ASIC2: variants seen among roughly 807,000 people sequenced by gnomAD.
The protein encoded by ASIC2 is acid-sensing ion channel 2.
A neutral mutation model predicts 57.3 loss-of-function variants in ASIC2; 25 were observed. The ratio of observed to expected loss-of-function variants is 0.44; its 90% CI spans 0.32 to 0.61. The LOEUF is 0.61. Among genes scored for constraint, ASIC2 ranks in the 20% least tolerant of loss-of-function variants. ASIC2 has a pLI of 0.06. For synonymous variants in ASIC2, 319 were observed against 307.5 expected (o/e 1.04, Z -0.39); for missense variants, 641 against 738.1 (o/e 0.87, Z 1.52).
chr17:33,052,264 G>A (rs1480084379), intron 3 of ASIC2: 1 of 152,214 alleles, frequency 6.6e-6, no homozygotes, highest in African/African-American at 2.4e-5. Context: ...ACTGGAATGA[G>A]CCTTCACAAT....
At chr17:33,943,692 TA>T (rs3071252) in intron 1 of ASIC2, among the ~76,000 whole-genome samples, 13,811 of 119,718 alleles carry the variant, frequency 0.12, 727 homozygotes, top group South Asian at 0.18. Context: ...ATGATAATAG[TA>T]AAAAAAAAAA....
intron 1 of ASIC2, among the ~76,000 whole-genome samples, chr17:33,502,376 G>C (rs1046048575): frequency 6.6e-6 from 1 of 152,130 alleles, no homozygotes; most frequent in African/African-American, 2.4e-5. Context: ...TGGGGTTCTG[G>C]GCAGATGTGG....
chr17:33,602,935 C>T (rs918474400), intron 1 of ASIC2, among the ~76,000 whole-genome samples: 31 of 152,216 alleles, frequency 2.0e-4, no homozygotes, highest in African/African-American at 7.0e-4. Flanking sequence ...CTAGAATCCT[C>T]GCAGGGGCTC....
intron 1 of ASIC2, among the ~76,000 whole-genome samples, chr17:34,031,773 T>C (rs890525681): frequency 2.6e-5 from 4 of 152,020 alleles, no homozygotes; most frequent in African/African-American, 9.7e-5. Flanking sequence ...TGATGGAAGA[T>C]GAAATGAATG....
intron 1 of ASIC2, among the ~76,000 whole-genome samples, chr17:33,903,913 G>A (rs1160151819): frequency 2.5e-4 from 38 of 152,116 alleles, no homozygotes; most frequent in Admixed American, 2.4e-3. Context: ...CCTGTAATCC[G>A]AGCACTTTGG....
At chr17:34,111,480 C>G (rs1210907559) in intron 1 of ASIC2, among the ~76,000 whole-genome samples, 1 of 152,002 alleles carries the variant, frequency 6.6e-6, no homozygotes, top group Non-Finnish European at 1.5e-5. Flanking sequence ...AGTATATGCA[C>G]TCTGACATTC....
intron 1 of ASIC2, among the ~76,000 whole-genome samples, chr17:33,379,414 G>A (rs939161851): frequency 1.3e-5 from 2 of 152,208 alleles, no homozygotes; most frequent in African/African-American, 4.8e-5. Context: ...TGAGAAAGCT[G>A]TTTGGTTCTA....
intron 1 of ASIC2, among the ~76,000 whole-genome samples, chr17:34,058,189 T>C (rs1238147477): frequency 6.6e-6 from 1 of 152,232 alleles, no homozygotes; most frequent in Non-Finnish European, 1.5e-5. Context: ...GTCGGTTCTG[T>C]ACATGTCATC....
At chr17:33,714,702 C>T (rs1262162222) in intron 1 of ASIC2, among the ~76,000 whole-genome samples, 2 of 151,680 alleles carry the variant, frequency 1.3e-5, no homozygotes, top group African/African-American at 4.8e-5. Context: ...AGGAGGATTT[C>T]GACTTTGCCT....
intron 1 of ASIC2, among the ~76,000 whole-genome samples, chr17:33,840,000 A>G (rs1420711446): frequency 3.3e-5 from 5 of 152,152 alleles, no homozygotes; most frequent in Non-Finnish European, 7.3e-5. Context: ...TGCATTTATC[A>G]TATCTGGGTT....
At chr17:33,429,451 C>T (rs567918302) in intron 1 of ASIC2, among the ~76,000 whole-genome samples, 7 of 151,876 alleles carry the variant, frequency 4.6e-5, no homozygotes, top group South Asian at 2.1e-4. Context: ...AGTGCAGTGG[C>T]GTGATCTCGG....
At chr17:33,116,009 C>T (rs1487252359) in intron 1 of ASIC2, among the ~76,000 whole-genome samples, 2 of 152,192 alleles carry the variant, frequency 1.3e-5, no homozygotes, top group African/African-American at 4.8e-5. Flanking sequence ...TCTGCTGGAG[C>T]CTTCTCACTT....
chr17:33,593,222 G>C (rs1904877453), intron 1 of ASIC2, among the ~76,000 whole-genome samples: 1 of 152,210 alleles, frequency 6.6e-6, no homozygotes, highest in South Asian at 2.1e-4. Flanking sequence ...TGCAGGCACA[G>C]CTGTGATGTC....
chr17:33,057,912 T>G (rs1340464195), intron 3 of ASIC2, among the ~76,000 whole-genome samples: 3 of 152,258 alleles, frequency 2.0e-5, no homozygotes, highest in East Asian at 1.9e-4. Flanking sequence ...CACAGAGGAC[T>G]GAGGCTGAAC....
chr17:33,702,114 G>T (rs1196076814), intron 1 of ASIC2, among the ~76,000 whole-genome samples: 1 of 152,196 alleles, frequency 6.6e-6, no homozygotes, highest in African/African-American at 2.4e-5. Context: ...CAATGTCCTG[G>T]TTTAGGGATC....
intron 1 of ASIC2, among the ~76,000 whole-genome samples, chr17:33,807,140 C>T (rs371821245): frequency 6.6e-6 from 1 of 152,176 alleles, no homozygotes; most frequent in African/African-American, 2.4e-5. Context: ...CAGTCATCTC[C>T]CCTACAGGAC....
At chr17:33,331,411 G>T (rs1357833296) in intron 1 of ASIC2, among the ~76,000 whole-genome samples, 2 of 152,210 alleles carry the variant, frequency 1.3e-5, no homozygotes, top group Non-Finnish European at 2.9e-5. Context: ...TCTGCAGTCA[G>T]AATTCTTAGT....
chr17:33,139,696 C>T (rs552550352), intron 1 of ASIC2, among the ~76,000 whole-genome samples: 7 of 152,292 alleles, frequency 4.6e-5, no homozygotes, highest in African/African-American at 1.7e-4. Context: ...TCAGACTGGG[C>T]CCCTGGTTTC....
intron 2 of ASIC2, among the ~76,000 whole-genome samples, chr17:33,098,109 G>A (rs2092191391): frequency 6.6e-6 from 1 of 152,146 alleles, no homozygotes; most frequent in Non-Finnish European, 1.5e-5. Flanking sequence ...AATGAAGCAG[G>A]GGCTGATCTC....
Sources: allele counts gnomAD v4.1 joint callset (sites outside exome capture counted in the v4.1 genomes callset), GRCh38; gene constraint gnomAD v4.1.1; transcripts MANE v1.5; gene names NCBI Gene and HGNC (gene_info 2026-07-23, HGNC 2026-07-21).